VPS53: variants seen among roughly 807,000 people sequenced by gnomAD.
The protein encoded by VPS53 is vacuolar protein sorting-associated protein 53 homolog.
Under a neutral mutation model 107.0 loss-of-function variants are expected in VPS53, and 70 were observed. That is an observed-to-expected ratio of 0.65 (90% CI 0.54 to 0.80). The LOEUF (loss-of-function observed/expected upper bound fraction) is 0.80. Among genes scored for constraint, VPS53 ranks in the 30% least tolerant of loss-of-function variants. VPS53 has a pLI of 0.00. For missense variants in VPS53, 917 were observed against 1,049.4 expected (o/e 0.87, Z 1.74); for synonymous variants, 409 against 393.3 (o/e 1.04, Z -0.47).
At chr17:551,294 C>G (rs1423773176) in intron 17 of VPS53, among the ~76,000 whole-genome samples, 1 of 152,052 alleles carries the variant, frequency 6.6e-6, no homozygotes, top group Non-Finnish European at 1.5e-5. Context: ...CAGCTGGGCA[C>G]TGTGGCTCAT....
intron 18 of VPS53, among the ~76,000 whole-genome samples, chr17:534,787 G>A (rs1475509194): frequency 6.6e-6 from 1 of 151,988 alleles, no homozygotes; most frequent in South Asian, 2.1e-4. Flanking sequence ...GCCGGGTGGC[G>A]AGCGCCTGTA....
chr17:518,991 T>C lies in VPS53; in HGVS notation c.*137A>G. On this transcript the variant is annotated 3_prime_UTR_variant, in exon 22 of 22. Coordinates refer to ENST00000437048, the MANE Select transcript of VPS53 (RefSeq NM_001128159.3). Reference sequence around the variant, plus strand: ...AAGTAAGACAGGGCATGGGAGAGACTCAGTAACAACCCACATGTCCCAGGA... The same window carrying C: ...AAGTAAGACAGGGCATGGGAGAGACCCAGTAACAACCCACATGTCCCAGGA... 1.0e-6 allele frequency: 1 copy of C among 957,494 alleles called. No individual in the cohort carries two copies. The highest frequency in any genetic ancestry group is 2.8e-5 in the East Asian group (1 of 35,578). 59.3% of individuals were successfully genotyped at this position (957,494 alleles called of 1,614,324 possible). A position where few individuals can be genotyped will look rare whatever the true frequency, so the allele number is the denominator to read the frequency against.
At chr17:527,810 C>T (rs1909239094) in intron 19 of VPS53, among the ~76,000 whole-genome samples, 4 of 152,172 alleles carry the variant, frequency 2.6e-5, no homozygotes. Flanking sequence ...TGGGGTCTCG[C>T]TGTGTTGCCC....
At chr17:534,622 T>G (rs915178507) in intron 18 of VPS53, among the ~76,000 whole-genome samples, 2 of 152,186 alleles carry the variant, frequency 1.3e-5, no homozygotes, top group East Asian at 1.9e-4. Flanking sequence ...TGCTTCACAT[T>G]AGAACATGCT....
intron 4 of VPS53, among the ~76,000 whole-genome samples, chr17:687,850 T>C (rs1283127239): frequency 6.6e-6 from 1 of 152,180 alleles, no homozygotes; most frequent in South Asian, 2.1e-4. Flanking sequence ...AAGTTAAATA[T>C]CTTGTCCAAG....
intron 7 of VPS53, among the ~76,000 whole-genome samples, chr17:634,336 A>C (rs890071115): frequency 6.6e-6 from 1 of 152,214 alleles, no homozygotes; most frequent in African/African-American, 2.4e-5. Flanking sequence ...TCTGATTTGT[A>C]GACTTCCTTG....
chr17:533,166 G>A (rs1269968574), intron 18 of VPS53, among the ~76,000 whole-genome samples: 3 of 152,166 alleles, frequency 2.0e-5, no homozygotes, highest in East Asian at 1.9e-4. Flanking sequence ...TTCTCAGCTC[G>A]TCAGAGCACA....
At chr17:687,606 C>A (rs1262765998) in intron 4 of VPS53, among the ~76,000 whole-genome samples, 1 of 150,926 alleles carries the variant, frequency 6.6e-6, no homozygotes, top group Non-Finnish European at 1.5e-5. Context: ...CGCATGGTGG[C>A]ATGTGCCTGT....
At position 710,672 on chromosome 17, in the gene VPS53, TTTTAA is replaced by T. The variant is rs553196361; in HGVS notation, c.88-64_88-60del. ...TGTAGTATACCGTAAATATATATAA[TTTTAA>T]TTTGTCAATTAAAAGGAAAGGGCCG... On this transcript the variant is annotated intron_variant, in intron 1 of 21. Transcript: ENST00000437048. 811 of 1,334,594 alleles carry T rather than the reference TTTTAA, an allele frequency of 6.1e-4. 5 individuals are homozygous for T. In the African/African-American group the frequency reaches 9.7e-3, roughly 16 times the overall value. The allele number at this position is 1,334,594 out of a possible 1,614,324, so 82.7% of individuals were successfully genotyped here.
intron 12 of VPS53, among the ~76,000 whole-genome samples, chr17:593,036 C>T (rs1336604440): frequency 1.3e-5 from 2 of 152,054 alleles, no homozygotes; most frequent in Non-Finnish European, 2.9e-5. Flanking sequence ...TTTGACAAAC[C>T]TGAGAAAAAC....
At chr17:647,408 G>A (rs1038162624) in intron 7 of VPS53, among the ~76,000 whole-genome samples, 3 of 152,180 alleles carry the variant, frequency 2.0e-5, no homozygotes, top group Non-Finnish European at 4.4e-5. Flanking sequence ...CCAGCACGGG[G>A]CCTAGGATGT....
At chr17:703,081 C>A (rs997970912) in intron 2 of VPS53, among the ~76,000 whole-genome samples, 1 of 152,046 alleles carries the variant, frequency 6.6e-6, no homozygotes, top group Non-Finnish European at 1.5e-5. Flanking sequence ...TGCTGGTGCA[C>A]ACCTGTGGTC....
At chr17:532,752 T>C (rs1909691462) in intron 19 of VPS53, 90 bp downstream of exon 19, 2 of 1,549,888 alleles carry the variant, frequency 1.3e-6, no homozygotes, top group Admixed American at 1.9e-5. Context: ...ATCAATTTTA[T>C]TCCTGCCAAG....
At chr17:702,494 T>C (rs1973242239) in intron 2 of VPS53, among the ~76,000 whole-genome samples, 2 of 151,878 alleles carry the variant, frequency 1.3e-5, no homozygotes, top group Admixed American at 1.3e-4. Flanking sequence ...AAACCCCGTC[T>C]CTACTAAAAA....
intron 4 of VPS53, 141 bp from the exon 5 acceptor site, chr17:662,036 C>G (rs1971457272): frequency 1.4e-6 from 1 of 722,676 alleles, no homozygotes; most frequent in Admixed American, 2.9e-5. Context: ...TTTTCTGGAC[C>G]AAAATAGTAG....
chr17:517,286 G>C lies in VPS53; in HGVS notation c.*1842C>G, dbSNP rs1003859789. 3 of 394,814 alleles carry C rather than the reference G, an allele frequency of 7.6e-6. No individual in the cohort carries two copies. Among genetic ancestry groups the C allele is most frequent in the Admixed American group, 4.4e-5 (1 of 22,646 alleles). The allele number at this position is 394,814 out of a possible 1,614,324, so 24.5% of individuals were successfully genotyped here. A position where few individuals can be genotyped will look rare whatever the true frequency, so the allele number is the denominator to read the frequency against. On this transcript the variant is annotated 3_prime_UTR_variant, in exon 22 of 22. Coordinates refer to ENST00000437048, the MANE Select transcript of VPS53 (RefSeq NM_001128159.3). The stretch of plus-strand genomic sequence containing the variant: ...TTCTCAAATTTGAGACGCTTGATGC[G>C]TGAGAGTCAAACCAGCTAGCAAGGA...
chr17:708,433 T>C (rs9908708), intron 2 of VPS53, among the ~76,000 whole-genome samples: 86 of 152,324 alleles, frequency 5.6e-4, no homozygotes, highest in African/African-American at 1.9e-3. Context: ...CTAATTCTGC[T>C]ACTGCTATCT....
intron 7 of VPS53, chr17:632,829 T>C: frequency 2.2e-6 from 1 of 453,072 alleles, no homozygotes; most frequent in Non-Finnish European, 4.4e-6. Flanking sequence ...GCAGCTGCAG[T>C]GTTTTGGGTT....
In VPS53 at chr17:653,307, G is replaced by A. The variant is rs774568940; in HGVS notation, c.592C>T (p.Arg198Trp). ...ACAGTTTACCTTTCGGAAAGCTGCCGGATCTGCGGAATCCCCATATACTTG... is the reference window on the plus strand; with the variant it reads ...ACAGTTTACCTTTCGGAAAGCTGCCAGATCTGCGGAATCCCCATATACTTG... ...FHKYMGIPQIRQLSERVKAAQ... is the reference protein window; with the variant it reads ...FHKYMGIPQIWQLSERVKAAQ... Residue 198 changes from arginine to tryptophan, a missense_variant, in exon 7 of 22, where the codon CGG (arginine) becomes TGG (tryptophan). Coordinates refer to ENST00000437048, the MANE Select transcript of VPS53 (RefSeq NM_001128159.3). 17 of 1,614,032 alleles carry A rather than the reference G, an allele frequency of 1.1e-5. No individual in the cohort carries two copies. Among genetic ancestry groups the A allele is most frequent in the East Asian group, 8.9e-5 (4 of 44,894 alleles).
Sources: allele counts gnomAD v4.1 joint callset (sites outside exome capture counted in the v4.1 genomes callset), GRCh38; gene constraint gnomAD v4.1.1; transcripts MANE v1.5; gene names NCBI Gene and HGNC (gene_info 2026-07-23, HGNC 2026-07-21).